IQGAP2: variants seen among roughly 807,000 people sequenced by gnomAD.
The protein encoded by IQGAP2 is ras GTPase-activating-like protein IQGAP2.
IQGAP2 carries 173 observed loss-of-function variants against 201.3 expected under a neutral mutation model. The ratio of observed to expected loss-of-function variants is 0.86; its 90% CI spans 0.76 to 0.98. The LOEUF (loss-of-function observed/expected upper bound fraction) is 0.98, where lower values mean the gene tolerates loss of function less well. Ranked by LOEUF, IQGAP2 falls within the 50% of genes least tolerant of loss-of-function variation. The pLI is 0.00. For synonymous variants in IQGAP2, 675 were observed against 673.9 expected (o/e 1.00, Z -0.03); for missense variants, 1,687 against 1,864.8 (o/e 0.90, Z 1.76).
In IQGAP2 at chr5:76,622,097, C is replaced by A. The variant is rs1261857575; in HGVS notation, c.1522-5313C>A. On this transcript the variant is annotated intron_variant, in intron 13 of 35. Coordinates refer to ENST00000274364, the MANE Select transcript of IQGAP2 (RefSeq NM_006633.5). ...TAAGGCAGGTTGGACAAGCTTGCTT[C>A]ATTCTTCCTTCACATTTCTCCCCCA... is the stretch of plus-strand genomic sequence containing the variant. 2.0e-5 allele frequency among the ~76,000 whole-genome samples: 3 copies of A among 152,158 alleles called. No homozygotes were observed. In the South Asian group the frequency reaches 6.2e-4, roughly 32 times the overall value.
chr5:76,663,900 G>A (rs1371257403), intron 21 of IQGAP2, among the ~76,000 whole-genome samples: 1 of 152,180 alleles, frequency 6.6e-6, no homozygotes, highest in Non-Finnish European at 1.5e-5. Context: ...AGAAAGTTAG[G>A]GCCTTGCTTT....
chr5:76,705,261 G>C (rs1400439872), intron 35 of IQGAP2, among the ~76,000 whole-genome samples: 1 of 152,178 alleles, frequency 6.6e-6, no homozygotes, highest in Non-Finnish European at 1.5e-5. Flanking sequence ...CAAGACAAGA[G>C]TAGCTTACAA....
At chr5:76,450,244 A>G (rs1352308748) in intron 1 of IQGAP2, among the ~76,000 whole-genome samples, 1 of 152,148 alleles carries the variant, frequency 6.6e-6, no homozygotes, top group Non-Finnish European at 1.5e-5. Flanking sequence ...TCAGCCTGCA[A>G]ACTCGATGTG....
intron 1 of IQGAP2, among the ~76,000 whole-genome samples, chr5:76,427,418 T>C (rs1019021607): frequency 6.6e-6 from 1 of 152,164 alleles, no homozygotes; most frequent in African/African-American, 2.4e-5. Flanking sequence ...GATTTGGCTT[T>C]GAAATAAAGT....
intron 1 of IQGAP2, among the ~76,000 whole-genome samples, chr5:76,418,089 C>G (rs575008907): frequency 6.6e-6 from 1 of 151,340 alleles, no homozygotes; most frequent in African/African-American, 2.4e-5. Context: ...CACCTGTAAT[C>G]CCAGCTACTC....
intron 17 of IQGAP2, among the ~76,000 whole-genome samples, chr5:76,644,828 T>C (rs999581230): frequency 6.6e-6 from 1 of 152,220 alleles, no homozygotes; most frequent in Non-Finnish European, 1.5e-5. Flanking sequence ...AGGCATGTAG[T>C]ATTCTGCTTC....
chr5:76,443,580 T>C (rs1373889021), intron 1 of IQGAP2, among the ~76,000 whole-genome samples: 2 of 152,036 alleles, frequency 1.3e-5, no homozygotes, highest in Admixed American at 6.6e-5. Flanking sequence ...CACCCAATCC[T>C]TGGGCAGGTT....
chr5:76,588,997 T>C (rs1359823697), intron 6 of IQGAP2, 24 bp downstream of exon 6: 1 of 1,522,798 alleles, frequency 6.6e-7, no homozygotes, highest in Admixed American at 1.7e-5. Context: ...TCTTTGTAAT[T>C]TTTTACAATC....
intron 1 of IQGAP2, among the ~76,000 whole-genome samples, chr5:76,445,831 A>G (rs925527923): frequency 6.6e-6 from 1 of 152,082 alleles, no homozygotes; most frequent in Non-Finnish European, 1.5e-5. Flanking sequence ...TGCAGCCAAC[A>G]TGAACGCCCC....
rs776545343 is a variant in IQGAP2 at position 76,637,092 on chromosome 5, C to T, written c.1839C>T (p.Tyr613=). 1.1e-5 allele frequency: 18 copies of T among 1,611,262 alleles called. No individual in the cohort carries two copies. The South Asian group carries it at 1.8e-4, about 16-fold the overall frequency. ...LNLHKKYDYY[Y]NTDSKESSWV... ...TGCACAAAAAATATGACTACTATTACAACACTGATTCAAAAGAGAGTTCCT... is the reference window on the plus strand; with the variant it reads ...TGCACAAAAAATATGACTACTATTATAACACTGATTCAAAAGAGAGTTCCT... The change falls in exon 16 of 36, where the codon TAC becomes TAT. Residue 613 remains tyrosine (Y), a synonymous_variant. Transcript: ENST00000274364.
At chr5:76,562,664 G>C (rs1476318583) in intron 3 of IQGAP2, 112 bp downstream of exon 3, 1 of 919,404 alleles carries the variant, frequency 1.1e-6, no homozygotes, top group Non-Finnish European at 1.7e-6. Context: ...GGGGGCTGGG[G>C]GATGTCTTTG....
At chr5:76,650,225 C>A (rs1252410591) in intron 17 of IQGAP2, among the ~76,000 whole-genome samples, 1 of 152,184 alleles carries the variant, frequency 6.6e-6, no homozygotes, top group Non-Finnish European at 1.5e-5. Context: ...GCCATCATGT[C>A]CAGTTCACAT....
At chr5:76,491,430 T>G (rs1756529733) in intron 2 of IQGAP2, among the ~76,000 whole-genome samples, 1 of 152,180 alleles carries the variant, frequency 6.6e-6, no homozygotes, top group Non-Finnish European at 1.5e-5. Flanking sequence ...ATAGGGCTTT[T>G]TATCTGTTTG....
chr5:76,683,095 G>T lies in IQGAP2; in HGVS notation c.3661-20G>T, dbSNP rs768377383. ...AGAATTTACTTTTTTCTTTGTGTGTGTGTTGCTTTCTACATAAAGCTCCTG... is the reference window on the plus strand; with the variant it reads ...AGAATTTACTTTTTTCTTTGTGTGTTTGTTGCTTTCTACATAAAGCTCCTG... On this transcript the variant is annotated intron_variant, in intron 28 of 35. Transcript: ENST00000274364. 6 of 1,477,222 alleles carry T rather than the reference G, an allele frequency of 4.1e-6. No homozygotes were observed. The highest frequency in any genetic ancestry group is 1.8e-5 in the Admixed American group (1 of 55,890). 91.5% of individuals were successfully genotyped at this position (1,477,222 alleles called of 1,614,324 possible).
chr5:76,475,142 C>T (rs1755340075), intron 2 of IQGAP2, among the ~76,000 whole-genome samples: 1 of 152,098 alleles, frequency 6.6e-6, no homozygotes, highest in East Asian at 1.9e-4. Context: ...ACAGAGGATA[C>T]CCCTTCCTCT....
At chr5:76,541,444 G>A (rs910517616) in intron 2 of IQGAP2, among the ~76,000 whole-genome samples, 2 of 152,176 alleles carry the variant, frequency 1.3e-5, no homozygotes, top group Non-Finnish European at 2.9e-5. Flanking sequence ...TGCTGGGCAC[G>A]TGAGTTGTTT....
chr5:76,470,850 G>A (rs545440917), intron 2 of IQGAP2, among the ~76,000 whole-genome samples: 56 of 152,226 alleles, frequency 3.7e-4, no homozygotes, highest in Non-Finnish European at 7.1e-4. Context: ...CTTCTTTGCT[G>A]TGGGGCTTTT....
chr5:76,558,186 A>G (rs1431915375), intron 2 of IQGAP2, among the ~76,000 whole-genome samples: 1 of 151,960 alleles, frequency 6.6e-6, no homozygotes, highest in Non-Finnish European at 1.5e-5. Context: ...AACAAGCCCA[A>G]CTCTAAAATA....
intron 13 of IQGAP2, among the ~76,000 whole-genome samples, chr5:76,620,360 G>A (rs1749519514): frequency 1.6e-5 from 2 of 126,462 alleles, no homozygotes; most frequent in Non-Finnish European, 3.8e-5. Context: ...GGCTTAAAGG[G>A]ACTTGGTTCT....
Sources: gnomAD v4.1 joint callset for allele counts (sites outside exome capture counted in the v4.1 genomes callset) on GRCh38, gnomAD v4.1.1 for gene constraint, MANE v1.5 for transcripts, NCBI Gene and HGNC (gene_info 2026-07-23, HGNC 2026-07-21) for gene names.